ZNF814: variants seen among roughly 807,000 people sequenced by gnomAD.
ZNF814 encodes the protein zinc finger protein 814.
ZNF814 carries 5 observed loss-of-function variants against 7.5 expected under a neutral mutation model. The ratio of observed to expected loss-of-function variants is 0.67; its 90% CI spans 0.35 to 1.40. The LOEUF (loss-of-function observed/expected upper bound fraction) is 1.40. Among genes scored for constraint, ZNF814 ranks in the 40% most tolerant of loss-of-function variants. The probability of loss-of-function intolerance (pLI) is 0.04; values close to 1 mark genes in which losing one functional copy is unlikely to be tolerated. For synonymous variants in ZNF814, 315 were observed against 340.7 expected (o/e 0.92, Z 0.83); for missense variants, 962 against 1,018.0 (o/e 0.94, Z 0.75).
At chr19:57,891,529 A>T (rs955237377), upstream of ZNF814, among the ~76,000 whole-genome samples, 6 of 150,358 alleles carry the variant, frequency 4.0e-5, no homozygotes, top group Non-Finnish European at 8.9e-5. Context: ...CGCCTCAAAA[A>T]AAAAAAAAAA....
At chr19:57,879,337 G>T (rs761733045) in intron 1 of ZNF814, among the ~76,000 whole-genome samples, 52 of 149,048 alleles carry the variant, frequency 3.5e-4, no homozygotes, top group Non-Finnish European at 6.8e-4. Flanking sequence ...ACTTCTGCCT[G>T]CATCTCATCT....
chr19:57,886,582 A>AC (rs2071695510), intron 1 of ZNF814, among the ~76,000 whole-genome samples: 2 of 149,146 alleles, frequency 1.3e-5, no homozygotes, highest in African/African-American at 2.6e-5. Context: ...TGTTTAATAA[A>AC]CAAAAAAAAA....
the ZNF814 span, among the ~76,000 whole-genome samples, chr19:57,903,819 T>C: frequency 1.3e-5 from 2 of 152,232 alleles, no homozygotes; most frequent in Admixed American, 6.5e-5. Flanking sequence ...CAAGCAATGA[T>C]AGCTGTGGCG....
chr19:57,887,989 A>C (rs1301288958), intron 1 of ZNF814, among the ~76,000 whole-genome samples: 1 of 152,130 alleles, frequency 6.6e-6, no homozygotes, highest in Non-Finnish European at 1.5e-5. Context: ...TGTTGCATTT[A>C]AGCTCCCCTC....
At chr19:57,878,039 G>A (rs2071620454) in intron 1 of ZNF814, among the ~76,000 whole-genome samples, 2 of 151,648 alleles carry the variant, frequency 1.3e-5, no homozygotes, top group Admixed American at 6.6e-5. Context: ...GGTGTCGGGC[G>A]CCTGTGATCC....
At chr19:57,878,471 T>A (rs1440881478) in intron 1 of ZNF814, among the ~76,000 whole-genome samples, 1 of 151,214 alleles carries the variant, frequency 6.6e-6, no homozygotes, top group Non-Finnish European at 1.5e-5. Context: ...CTTTTTTTTT[T>A]TTTTTTTGTG....
chr19:57,901,809 G>A, the ZNF814 span: 2 of 398,276 alleles, frequency 5.0e-6, no homozygotes, highest in Admixed American at 4.4e-5. Context: ...TACTGTAAAA[G>A]CAACTCAAAA....
rs1391898832 is a variant in ZNF814 at position 57,870,013 on chromosome 19, G to C, written c.*2809C>G. ...CCCAGCACTTTGGGAGGCCAAGGCA[G>C]GCGGATCACGAGGTCAGGAGATCGA... On this transcript the variant is annotated 3_prime_UTR_variant, in exon 3 of 3. Coordinates refer to ENST00000435989, the MANE Select transcript of ZNF814 (RefSeq NM_001144989.2). The C allele has an allele frequency of 1.3e-5, 2 of 151,144 alleles. No homozygotes were observed. The highest frequency in any genetic ancestry group is 2.9e-5 in the Non-Finnish European group (2 of 68,022). 9.4% of individuals were successfully genotyped at this position (151,144 alleles called of 1,614,324 possible).
At chr19:57,904,289 CTTCT>C in the ZNF814 span, among the ~76,000 whole-genome samples, 8 of 152,170 alleles carry the variant, frequency 5.3e-5, no homozygotes, top group African/African-American at 1.9e-4. Flanking sequence ...TCTCCACCTG[CTTCT>C]TTGTTTGATT....
chr19:57,877,848 T>C (rs1274451203), intron 1 of ZNF814, among the ~76,000 whole-genome samples: 3 of 152,070 alleles, frequency 2.0e-5, no homozygotes, highest in Non-Finnish European at 2.9e-5. Flanking sequence ...ATTCTACACA[T>C]GTCATCAAGA....
At chr19:57,902,007 A>G in the ZNF814 span, among the ~76,000 whole-genome samples, 9 of 152,202 alleles carry the variant, frequency 5.9e-5, no homozygotes, top group East Asian at 5.8e-4. Flanking sequence ...ATATCCTCCA[A>G]TATGCCTAGG....
rs539338839 is a variant in ZNF814 at position 57,875,423 on chromosome 19, G to C, written c.164-197C>G. On this transcript the variant is annotated intron_variant, in intron 2 of 2. Transcript: ENST00000435989. ...TCACAGAATGTAGGAGGCCTCATAA[G>C]TTAAAGGACACAACCATGTATGTAA... Among the ~76,000 whole-genome samples the C allele has an allele frequency of 1.4e-4, 22 of 152,296 alleles. No homozygotes were observed. In the East Asian group the frequency reaches 3.1e-3, roughly 21 times the overall value.
Position 57,888,943 on chromosome 19 carries a change from G to T in ZNF814, c.-141C>A. 1 of 867,504 alleles carries T rather than the reference G, an allele frequency of 1.2e-6. No individual in the cohort carries two copies. The highest frequency in any genetic ancestry group is 1.8e-6 in the Non-Finnish European group (1 of 557,200). 53.7% of individuals were successfully genotyped at this position (867,504 alleles called of 1,614,324 possible). A position where few individuals can be genotyped will look rare whatever the true frequency, so the allele number is the denominator to read the frequency against. ...TCCAGAGTAGCCTCTGTGCAGCGGA[G>T]GACAACTGCTCCCCGACTTCTGGGT... On this transcript the variant is annotated 5_prime_UTR_variant, in exon 1 of 3. Transcript: ENST00000435989.
In ZNF814 at chr19:57,870,185, A is replaced by G. The variant is rs2071545234; in HGVS notation, c.*2637T>C. 6.6e-6 allele frequency: 1 copy of G among 152,204 alleles called. No homozygotes were observed. The highest frequency in any genetic ancestry group is 6.6e-5 in the Admixed American group (1 of 15,266). The allele number at this position is 152,204 out of a possible 1,614,324, so 9.4% of individuals were successfully genotyped here. On this transcript the variant is annotated 3_prime_UTR_variant, in exon 3 of 3. Coordinates refer to ENST00000435989, the MANE Select transcript of ZNF814 (RefSeq NM_001144989.2). ...AACCCAGGAGGCAGAGCTTGCAGTG[A>G]GCCGAGATCGTGCCACTGCACTCCA... is the stretch of plus-strand genomic sequence containing the variant.
intron 1 of ZNF814, among the ~76,000 whole-genome samples, chr19:57,883,067 A>C (rs575365636): frequency 6.6e-6 from 1 of 152,154 alleles, no homozygotes; most frequent in South Asian, 2.1e-4. Context: ...TAAAATAATT[A>C]AACAGAACTG....
At chr19:57,885,812 T>C (rs955280766) in intron 1 of ZNF814, 51 of 151,704 alleles carry the variant, frequency 3.4e-4, no homozygotes, top group African/African-American at 1.2e-3. Flanking sequence ...ATTGGATTGT[T>C]TGAAACACAA....
chr19:57,876,105 T>C lies in ZNF814; in HGVS notation c.163+811A>G, dbSNP rs562470194. ...TCCCGAGTCACTGGGATTACAGGCATGTACCACCAGGCCTGACTACTTTTT... is the reference window on the plus strand; with the variant it reads ...TCCCGAGTCACTGGGATTACAGGCACGTACCACCAGGCCTGACTACTTTTT... On this transcript the variant is annotated intron_variant, in intron 2 of 2. Coordinates refer to ENST00000435989, the MANE Select transcript of ZNF814 (RefSeq NM_001144989.2). 1.2e-4 allele frequency among the ~76,000 whole-genome samples: 18 copies of C among 151,980 alleles called. 1 individual carries two copies. In the South Asian group the frequency reaches 3.7e-3, roughly 32 times the overall value.
At chr19:57,900,839 A>ATTTTTTTGTTTTTTTTTTTTTTTTT in the ZNF814 span, among the ~76,000 whole-genome samples, 1 of 45,782 alleles carries the variant, frequency 2.2e-5, no homozygotes, top group Non-Finnish European at 3.8e-5. Context: ...CCATGGCTGC[A>ATTTTTTTGTTTTTTTTTTTTTTTTT]TTTTTTTTTT....
chr19:57,877,253 C>T (rs1055084637), intron 1 of ZNF814, among the ~76,000 whole-genome samples: 1 of 152,130 alleles, frequency 6.6e-6, no homozygotes, highest in Non-Finnish European at 1.5e-5. Flanking sequence ...TCCACCCCCT[C>T]CTGACAGGCA....
Sources: allele counts gnomAD v4.1 joint callset (sites outside exome capture counted in the v4.1 genomes callset), GRCh38; gene constraint gnomAD v4.1.1; transcripts MANE v1.5; gene names NCBI Gene and HGNC (gene_info 2026-07-23, HGNC 2026-07-21).